Variants in ZNF516 observed in about 807,000 individuals in gnomAD.
ZNF516 encodes the protein zinc finger protein 516.
ZNF516 carries 19 observed loss-of-function variants against 79.7 expected under a neutral mutation model. That is an observed-to-expected ratio of 0.24 (90% CI 0.17 to 0.35). ZNF516 has a LOEUF of 0.35. Among genes scored for constraint, ZNF516 ranks in the 10% least tolerant of loss-of-function variants. The pLI is 1.00. For missense variants in ZNF516, 1,678 were observed against 1,679.5 expected (o/e 1.00, Z 0.02); for synonymous variants, 877 against 739.5 (o/e 1.19, Z -3.02).
At chr18:76,402,105 A>G (rs1227449045) in intron 3 of ZNF516, among the ~76,000 whole-genome samples, 4 of 148,924 alleles carry the variant, frequency 2.7e-5, no homozygotes, top group Non-Finnish European at 6.0e-5. Context: ...AAGAAATTGT[A>G]TATGCACAAG....
intron 1 of ZNF516, chr18:76,491,747 G>A (rs1376367566): frequency 1.1e-5 from 1 of 94,564 alleles, no homozygotes; most frequent in East Asian, 3.5e-4. Flanking sequence ...TCTCGCCCCC[G>A]GCCCCTGGCC....
rs184736203 is a variant in ZNF516 at position 76,375,842 on chromosome 18, C to A, written c.3259+3013G>T. ...CCCCGAAGACCAGGTAGAAGATGGA[C>A]ACAGAAGGTCCCAGAGACCAGGTAA... On this transcript the variant is annotated intron_variant, in intron 4 of 6. Coordinates refer to ENST00000443185, the MANE Select transcript of ZNF516 (RefSeq NM_014643.4). 6.4e-3 allele frequency among the ~76,000 whole-genome samples: 891 copies of A among 138,518 alleles called. 8 individuals carry two copies. Among genetic ancestry groups the A allele is most frequent in the Non-Finnish European group, 7.5e-3 (495 of 65,958 alleles). The allele number at this position is 138,518 out of a possible 152,430, so 90.9% of individuals were successfully genotyped here.
intron 3 of ZNF516, among the ~76,000 whole-genome samples, chr18:76,411,873 T>C (rs536501990): frequency 7.9e-5 from 12 of 152,284 alleles, no homozygotes; most frequent in Non-Finnish European, 1.5e-4. Context: ...TTTTAAAATA[T>C]TTAAAATACC....
At chr18:76,441,199 G>C (rs1329601151) in intron 3 of ZNF516, 46 bp downstream of exon 3, 17 of 1,574,792 alleles carry the variant, frequency 1.1e-5, no homozygotes, top group East Asian at 4.6e-5. Flanking sequence ...GGAACCCCCT[G>C]AGCCTGGGAT....
At chr18:76,384,034 G>T (rs2074937964) in intron 3 of ZNF516, among the ~76,000 whole-genome samples, 1 of 152,216 alleles carries the variant, frequency 6.6e-6, no homozygotes, top group African/African-American at 2.4e-5. Context: ...GGGCCTCCCA[G>T]GCGGCCCAAG....
At position 76,443,098 on chromosome 18, in the gene ZNF516, C is replaced by A; in HGVS notation, c.-44G>T. 1 of 1,533,406 alleles carries A rather than the reference C, an allele frequency of 6.5e-7. No homozygotes were observed. The highest frequency in any genetic ancestry group is 1.2e-5 in the South Asian group (1 of 84,046). 95.0% of individuals were successfully genotyped at this position (1,533,406 alleles called of 1,614,324 possible). ...CGGTGGTGGCGGCACAGCTTTCTGT[C>A]GCGCGGGCTGCAGGGACCGTCCTAT... On this transcript the variant is annotated 5_prime_UTR_variant, in exon 3 of 7. Transcript: ENST00000443185.
At chr18:76,463,902 C>T (rs1400417692) in intron 1 of ZNF516, among the ~76,000 whole-genome samples, 2 of 152,340 alleles carry the variant, frequency 1.3e-5, no homozygotes, top group African/African-American at 4.8e-5. Context: ...AGCTTATGTT[C>T]TCAGTCCTGA....
At chr18:76,399,638 G>A (rs1368748966) in intron 3 of ZNF516, among the ~76,000 whole-genome samples, 1 of 152,250 alleles carries the variant, frequency 6.6e-6, no homozygotes, top group Non-Finnish European at 1.5e-5. Flanking sequence ...AAGCGCTAGA[G>A]AGGAGGTTCA....
chr18:76,487,334 T>G (rs992955865), intron 1 of ZNF516, among the ~76,000 whole-genome samples: 2 of 152,304 alleles, frequency 1.3e-5, no homozygotes, highest in East Asian at 3.9e-4. Context: ...ACTGCTGGTT[T>G]TTACCAGTCC....
At chr18:76,430,488 T>C (rs887839519) in intron 3 of ZNF516, among the ~76,000 whole-genome samples, 2 of 152,202 alleles carry the variant, frequency 1.3e-5, no homozygotes, top group African/African-American at 4.8e-5. Flanking sequence ...ATCCCAATAA[T>C]GTCTATATTG....
intron 1 of ZNF516, among the ~76,000 whole-genome samples, chr18:76,489,200 T>C (rs902587107): frequency 7.9e-5 from 12 of 152,140 alleles, no homozygotes; most frequent in Admixed American, 7.2e-4. Context: ...TTCTGGAAAA[T>C]GAACAAATAA....
chr18:76,471,096 T>G (rs892315118), intron 1 of ZNF516, among the ~76,000 whole-genome samples: 1 of 152,206 alleles, frequency 6.6e-6, no homozygotes, highest in African/African-American at 2.4e-5. Flanking sequence ...TGATTTACAG[T>G]ATTCCTCACC....
chr18:76,374,037 C>A (rs764650787), intron 4 of ZNF516, among the ~76,000 whole-genome samples: 1 of 152,162 alleles, frequency 6.6e-6, no homozygotes, highest in African/African-American at 2.4e-5. Context: ...TGCTACGTTG[C>A]GTGTCATTAT....
chr18:76,441,032 G>C (rs961926581), intron 3 of ZNF516, among the ~76,000 whole-genome samples: 5 of 152,286 alleles, frequency 3.3e-5, no homozygotes, highest in East Asian at 3.9e-4. Flanking sequence ...GGGTGTGGGG[G>C]ACCCTGGGCA....
chr18:76,411,632 ACTT>A (rs2075373221), intron 3 of ZNF516, among the ~76,000 whole-genome samples: 1 of 152,190 alleles, frequency 6.6e-6, no homozygotes, highest in African/African-American at 2.4e-5. Context: ...ACCACAAAAA[ACTT>A]CTGAAACACA....
chr18:76,446,904 T>G (rs989200065), intron 2 of ZNF516, among the ~76,000 whole-genome samples: 1 of 152,142 alleles, frequency 6.6e-6, no homozygotes. Context: ...ATAGAAAAAG[T>G]GCTGAGACAG....
At chr18:76,401,768 C>CG (rs2075228682) in intron 3 of ZNF516, among the ~76,000 whole-genome samples, 1 of 58,064 alleles carries the variant, frequency 1.7e-5, no homozygotes, top group Non-Finnish European at 3.7e-5. Context: ...CCCCCGCGCT[C>CG]CATCTCTCCA....
In ZNF516 at chr18:76,451,051, G is replaced by A. The variant is rs1912379692; in HGVS notation, c.-157-7840C>T. ...GGAAACCAAGCAAAGCTGACTGGGA[G>A]ACACCAGGGAGGAACAAAGGAGCGA... is the stretch of plus-strand genomic sequence containing the variant. On this transcript the variant is annotated intron_variant, in intron 2 of 6. Transcript: ENST00000443185. This position sits in a 1 kb window ranked among gnomAD's most constrained non-coding sequence, Gnocchi z 6.0. Among the ~76,000 whole-genome samples the A allele has an allele frequency of 6.6e-6, 1 of 152,180 alleles. No individual in the cohort carries two copies. The highest frequency in any genetic ancestry group is 2.1e-4 in the South Asian group (1 of 4,832).
chr18:76,437,296 T>C (rs1026519251), intron 3 of ZNF516, among the ~76,000 whole-genome samples: 1 of 151,970 alleles, frequency 6.6e-6, no homozygotes, highest in African/African-American at 2.4e-5. Flanking sequence ...AAAGCCTCAG[T>C]GCGCCTGGTG....
Sources: allele counts gnomAD v4.1 joint callset (sites outside exome capture counted in the v4.1 genomes callset), GRCh38; gene constraint gnomAD v4.1.1; non-coding constraint Gnocchi (gnomAD v3.1); transcripts MANE v1.5; gene names NCBI Gene and HGNC (gene_info 2026-07-23, HGNC 2026-07-21).